The following BBX variants were observed in gnomAD, a reference collection of about 807,000 sequenced individuals.
BBX encodes HMG box transcription factor BBX.
A neutral mutation model predicts 100.2 loss-of-function variants in BBX; 30 were observed. The ratio of observed to expected loss-of-function variants is 0.30; its 90% CI spans 0.22 to 0.41. BBX has a LOEUF of 0.41. BBX is among the 10% of genes least tolerant of loss of function. BBX has a pLI of 1.00. For synonymous variants in BBX, 376 were observed against 388.1 expected (o/e 0.97, Z 0.37); for missense variants, 1,023 against 1,129.8 (o/e 0.91, Z 1.35).
intron 2 of BBX, among the ~76,000 whole-genome samples, chr3:107,566,448 A>G (rs2050920588): frequency 6.6e-6 from 1 of 152,084 alleles, no homozygotes; most frequent in Non-Finnish European, 1.5e-5. Flanking sequence ...AGTGAACCTC[A>G]GCTAAAATAA....
At chr3:107,528,120 A>G (rs1263190129) in intron 2 of BBX, among the ~76,000 whole-genome samples, 2 of 152,202 alleles carry the variant, frequency 1.3e-5, no homozygotes, top group Non-Finnish European at 2.9e-5. Flanking sequence ...AGTAGTTCTG[A>G]TAGTGTAAAT....
intron 5 of BBX, among the ~76,000 whole-genome samples, chr3:107,728,443 C>T (rs1254902235): frequency 1.3e-5 from 2 of 152,124 alleles, no homozygotes; most frequent in Admixed American, 6.5e-5. Flanking sequence ...GTCTCCAGAG[C>T]CCTAGGCTCA....
chr3:107,660,505 T>TAAAAAAAAAAAAA (rs34604623), intron 3 of BBX, among the ~76,000 whole-genome samples: 5 of 101,316 alleles, frequency 4.9e-5, no homozygotes, highest in Non-Finnish European at 1.0e-4. Flanking sequence ...CAAAAAGCAT[T>TAAAAAAAAAAAAA]AAAAAAAAAA....
At chr3:107,624,042 G>A (rs1467132072) in intron 2 of BBX, among the ~76,000 whole-genome samples, 2 of 152,162 alleles carry the variant, frequency 1.3e-5, no homozygotes, top group African/African-American at 4.8e-5. Context: ...CAGATTATAA[G>A]CATCAATCTA....
Position 107,761,592 on chromosome 3 carries a change from A to T in BBX, c.906+5914A>T, listed in dbSNP as rs368130153. Among the ~76,000 whole-genome samples, 26 of 152,298 alleles carry T rather than the reference A, an allele frequency of 1.7e-4. No individual in the cohort carries two copies. In the South Asian group the frequency reaches 5.4e-3, roughly 32 times the overall value. On this transcript the variant is annotated intron_variant, in intron 10 of 17. Transcript: ENST00000325805. ...AAGAAGAGTCAAAGATGACTCCAAC[A>T]CTGAACCTGATTGTTTGACCTTGAC...
chr3:107,569,038 G>A (rs1013964700), intron 2 of BBX, among the ~76,000 whole-genome samples: 14 of 152,206 alleles, frequency 9.2e-5, no homozygotes, highest in African/African-American at 3.4e-4. Context: ...TGGTAAAAAT[G>A]TTATACTGCC....
intron 13 of BBX, among the ~76,000 whole-genome samples, chr3:107,785,440 C>T (rs913660362): frequency 1.9e-4 from 29 of 152,106 alleles, no homozygotes; most frequent in African/African-American, 6.7e-4. Context: ...CAACAAAACA[C>T]TGGCATACCA....
At chr3:107,597,278 A>C (rs1188756788) in intron 2 of BBX, among the ~76,000 whole-genome samples, 1 of 152,180 alleles carries the variant, frequency 6.6e-6, no homozygotes, top group African/African-American at 2.4e-5. Context: ...ATGTTTAAAA[A>C]TCTATTGATT....
At chr3:107,540,189 C>T (rs2048768380) in intron 2 of BBX, among the ~76,000 whole-genome samples, 1 of 152,166 alleles carries the variant, frequency 6.6e-6, no homozygotes, top group South Asian at 2.1e-4. Flanking sequence ...AAGTTAAGTT[C>T]TAGAAGCTCC....
intron 10 of BBX, among the ~76,000 whole-genome samples, chr3:107,763,311 G>C (rs117613945): frequency 1.3e-5 from 2 of 149,824 alleles, no homozygotes; most frequent in African/African-American, 2.5e-5. Flanking sequence ...TGCAAGCTCC[G>C]CCTCCCGGGT....
At chr3:107,775,961 T>C (rs553512383) in intron 12 of BBX, among the ~76,000 whole-genome samples, 1 of 150,868 alleles carries the variant, frequency 6.6e-6, no homozygotes, top group African/African-American at 2.4e-5. Flanking sequence ...TCATTTCTAA[T>C]ATTTTTAAAA....
At chr3:107,599,076 C>T (rs753489462) in intron 2 of BBX, among the ~76,000 whole-genome samples, 1 of 152,104 alleles carries the variant, frequency 6.6e-6, no homozygotes, top group Non-Finnish European at 1.5e-5. Context: ...CATTTCCCTG[C>T]AACTGGGCTC....
At chr3:107,692,594 T>G (rs1182724913) in intron 3 of BBX, among the ~76,000 whole-genome samples, 1 of 152,112 alleles carries the variant, frequency 6.6e-6, no homozygotes, top group Non-Finnish European at 1.5e-5. Context: ...ATCCAGTCTA[T>G]CATTGTTGGA....
chr3:107,710,423 C>T, intron 3 of BBX, 29 bp from the exon 4 acceptor site: 3 of 1,532,874 alleles, frequency 2.0e-6, no homozygotes, highest in Non-Finnish European at 1.8e-6. Context: ...CCCTGTTTCC[C>T]TGTTTCTCTC....
intron 7 of BBX, among the ~76,000 whole-genome samples, chr3:107,744,298 G>A (rs1227607109): frequency 6.6e-6 from 1 of 152,078 alleles, no homozygotes; most frequent in African/African-American, 2.4e-5. Context: ...CATTGGGAGA[G>A]GAAGTGTCAA....
At chr3:107,723,091 G>A (rs1291128989) in intron 5 of BBX, among the ~76,000 whole-genome samples, 2 of 151,822 alleles carry the variant, frequency 1.3e-5, no homozygotes, top group East Asian at 3.9e-4. Context: ...TCACAATTTT[G>A]GTAGATGATA....
rs775729196 is a variant in BBX, at chr3:107,552,345, A to AT, written c.-84+25949dup. On this transcript the variant is annotated intron_variant, in intron 2 of 17. Transcript: ENST00000325805. ...TGGGCAACAGAAGAAACCCTGTTTC[A>AT]TTAAAAAAAAAAAAAAAAAAAAAAA... Among the ~76,000 whole-genome samples the AT allele has an allele frequency of 1.9e-4, 12 of 63,028 alleles. 1 individual carries two copies. The highest frequency in any genetic ancestry group is 5.6e-4 in the South Asian group (1 of 1,792). 41.3% of individuals were successfully genotyped at this position (63,028 alleles called of 152,430 possible).
At chr3:107,709,672 T>C (rs1355467815) in intron 3 of BBX, among the ~76,000 whole-genome samples, 2 of 152,252 alleles carry the variant, frequency 1.3e-5, no homozygotes, top group African/African-American at 2.4e-5. Flanking sequence ...GAAACTAACA[T>C]GCAGTTACCT....
chr3:107,582,623 A>G (rs1461944399), intron 2 of BBX, among the ~76,000 whole-genome samples: 1 of 152,076 alleles, frequency 6.6e-6, no homozygotes, highest in African/African-American at 2.4e-5. Context: ...TCATACTAAT[A>G]TTATCCTACC....
Sources: gnomAD v4.1 joint callset for allele counts (sites outside exome capture counted in the v4.1 genomes callset) on GRCh38, gnomAD v4.1.1 for gene constraint, MANE v1.5 for transcripts, NCBI Gene and HGNC (gene_info 2026-07-23, HGNC 2026-07-21) for gene names.